Variants in ABCC2 observed in about 807,000 individuals in gnomAD.
ABCC2 encodes ATP binding cassette subfamily C member 2, also known as ATP-binding cassette sub-family C member 2.
In ABCC2, 157 loss-of-function variants were observed where a neutral mutation model predicts 173.4. The observed-to-expected ratio is 0.91, with a 90% CI of 0.80 to 1.03. The LOEUF is 1.03. Among genes scored for constraint, ABCC2 ranks in the 50% least tolerant of loss-of-function variants. The pLI is 0.00. For synonymous variants in ABCC2, 657 were observed against 693.5 expected (o/e 0.95, Z 0.83); for missense variants, 1,822 against 1,852.3 (o/e 0.98, Z 0.30).
intron 21 of ABCC2, 138 bp downstream of exon 21, chr10:99,830,989 T>C (rs2038728826): frequency 2.1e-6 from 2 of 951,854 alleles, no homozygotes; most frequent in South Asian, 1.5e-5. Context: ...AGACTCATTA[T>C]TAACCTGTTA....
chr10:99,789,893 G>A (rs963170880), intron 2 of ABCC2, among the ~76,000 whole-genome samples: 4 of 152,248 alleles, frequency 2.6e-5, no homozygotes, highest in Admixed American at 6.5e-5. Context: ...GATGAAGTCA[G>A]TCCCCTCCAC....
chr10:99,823,034 A>C (rs1364487125), intron 19 of ABCC2, among the ~76,000 whole-genome samples: 2 of 151,906 alleles, frequency 1.3e-5, no homozygotes, highest in South Asian at 2.1e-4. Context: ...TGAAATGTGA[A>C]TAAGTATCAA....
intron 7 of ABCC2, 118 bp downstream of exon 7, chr10:99,797,449 C>G (rs2037938499): frequency 1.2e-6 from 1 of 863,942 alleles, no homozygotes; most frequent in Non-Finnish European, 1.9e-6. Context: ...CAGTGCACTT[C>G]ATATTATTAA....
Position 99,830,441 on chromosome 10 carries a change from A to G in ABCC2, c.2747+8A>G, listed in dbSNP as rs2038718945. On this transcript the variant is annotated splice_region_variant and intron_variant, in intron 20 of 31. Transcript: ENST00000647814. ...TCGAACACTTAGCCGCAGGTTGGCT[A>G]TCTATTCAGCTGGCAGCCCTCGTCA... 6.2e-7 allele frequency: 1 copy of G among 1,614,202 alleles called. No individual in the cohort carries two copies. The highest frequency in any genetic ancestry group is 8.5e-7 in the Non-Finnish European group (1 of 1,180,018).
rs777140896 is a variant in ABCC2 at position 99,800,464 on chromosome 10, G to T, written c.1110G>T (p.Ala370=). The change falls in exon 9 of 32, where the codon GCG becomes GCT. Residue 370 remains alanine, a synonymous_variant. Transcript: ENST00000647814. ...GYLCAILLFT[A]ALIQSFCLQC... is the part of the protein sequence containing the mutation. ...TCTGTGCAATCCTCTTATTCACTGC[G>T]GCTCTCATTCAGTCTTTCTGCCTTC... 2 of 1,614,120 alleles carry T rather than the reference G, an allele frequency of 1.2e-6. No individual in the cohort carries two copies. Among genetic ancestry groups the T allele is most frequent in the South Asian group, 2.2e-5 (2 of 91,068 alleles).
At chr10:99,782,909 C>T in intron 1 of ABCC2, 32 bp downstream of exon 1, 1 of 1,610,596 alleles carries the variant, frequency 6.2e-7, no homozygotes, top group Non-Finnish European at 8.5e-7. Flanking sequence ...CATATTGACT[C>T]TTCTCAGACT....
At chr10:99,819,761 T>C (rs190699446) in intron 19 of ABCC2, among the ~76,000 whole-genome samples, 147 of 152,320 alleles carry the variant, frequency 9.7e-4, no homozygotes, top group Admixed American at 1.7e-3. Flanking sequence ...AACCACTGGG[T>C]GTTTGAACCA....
At position 99,831,766 on chromosome 10, in the gene ABCC2, C is replaced by T. The variant is rs150618323; in HGVS notation, c.3039C>T (p.Thr1013=). 24 of 1,614,184 alleles carry T rather than the reference C, an allele frequency of 1.5e-5. No individual in the cohort carries two copies. The East Asian group carries it at 1.6e-4, about 10-fold the overall frequency. Residue 1013 remains threonine (T), a synonymous_variant, in exon 22 of 32, where the codon ACC becomes ACT. Coordinates refer to ENST00000647814, the MANE Select transcript of ABCC2 (RefSeq NM_000392.5). The stretch of plus-strand genomic sequence containing the variant: ...GTGACTCTAAAATCTTCAATAGCAC[C>T]GACTATCCAGCATCTCAGAGGGACA... ...WTSDSKIFNS[T]DYPASQRDMR... is the part of the protein sequence containing the mutation.
chr10:99,837,123 T>G (rs2038836717), intron 25 of ABCC2, among the ~76,000 whole-genome samples: 1 of 149,400 alleles, frequency 6.7e-6, no homozygotes, highest in Non-Finnish European at 1.5e-5. Context: ...AAATACATTT[T>G]CTTTGAGAAA....
intron 8 of ABCC2, 80 bp downstream of exon 8, chr10:99,799,450 G>A (rs2037977074): frequency 1.3e-6 from 2 of 1,508,972 alleles, no homozygotes; most frequent in Non-Finnish European, 9.2e-7. Context: ...GCAAGCAGGA[G>A]CTTTTCTTAA....
intron 2 of ABCC2, among the ~76,000 whole-genome samples, chr10:99,787,458 TG>T (rs34463485): frequency 1.3e-5 from 2 of 148,240 alleles, no homozygotes; most frequent in South Asian, 2.1e-4. Flanking sequence ...CCCCTTTTTT[TG>T]GGGGGACGGA....
At chr10:99,817,693 G>A (rs1393557446) in intron 17 of ABCC2, among the ~76,000 whole-genome samples, 3 of 152,160 alleles carry the variant, frequency 2.0e-5, no homozygotes, top group African/African-American at 7.2e-5. Flanking sequence ...CTTGGAAACA[G>A]ATACAGGAAT....
rs1325828465 is a variant in ABCC2, at chr10:99,800,518, G to A, written c.1164G>A (p.Leu388=). The A allele has an allele frequency of 5.0e-6, 8 of 1,614,156 alleles. No homozygotes were observed. Among genetic ancestry groups the A allele is most frequent in the Non-Finnish European group, 6.8e-6 (8 of 1,180,024 alleles). The change falls in exon 9 of 32, where the codon CTG becomes CTA. Residue 388 remains leucine (L), a synonymous_variant. Coordinates refer to ENST00000647814, the MANE Select transcript of ABCC2 (RefSeq NM_000392.5). The part of the protein sequence containing the change: ...LQCYFQLCFK[L]GVKVRTAIMA... Reference sequence around the variant, plus strand: ...GTTATTTCCAACTGTGCTTCAAGCTGGGTGTAAAAGTACGGACAGCTATCA... The same window carrying A: ...GTTATTTCCAACTGTGCTTCAAGCTAGGTGTAAAAGTACGGACAGCTATCA...
rs751262416 is a variant in ABCC2, at chr10:99,808,085, A to G, written c.1671A>G (p.Val557=). 3 of 1,614,116 alleles carry G rather than the reference A, an allele frequency of 1.9e-6. No individual in the cohort carries two copies. The highest frequency in any genetic ancestry group is 1.7e-5 in the Admixed American group (1 of 60,028). ...IFVFQLTPVL[V]SVVTFSVYVL... ...GCTCATGACCTTGCCCTTTCCAGGT[A>G]TCTGTGGTCACATTTTCTGTTTATG... is the stretch of plus-strand genomic sequence containing the variant. The change falls in exon 13 of 32, where the codon GTA becomes GTG. Residue 557 remains valine (V), a splice_region_variant and synonymous_variant. Coordinates refer to ENST00000647814, the MANE Select transcript of ABCC2 (RefSeq NM_000392.5).
intron 9 of ABCC2, 141 bp from the exon 10 acceptor site, chr10:99,803,878 C>A: frequency 2.9e-6 from 3 of 1,048,750 alleles, no homozygotes; most frequent in South Asian, 1.4e-5. Context: ...GATTTGGAGG[C>A]AAGAAGTCAC....
rs373315423 is a variant in ABCC2, at chr10:99,797,425, C to T, written c.867+94C>T. On this transcript the variant is annotated intron_variant, in intron 7 of 31. Transcript: ENST00000647814. ...CGATTCTGTCCTTACATTTTTATAG[C>T]ACTTCATACTTCTCAGTGCACTTCA... 199 of 1,090,270 alleles carry T rather than the reference C, an allele frequency of 1.8e-4. No homozygotes were observed. In the African/African-American group the frequency reaches 2.8e-3, roughly 15 times the overall value. The allele number at this position is 1,090,270 out of a possible 1,614,324, so 67.5% of individuals were successfully genotyped here.
At chr10:99,807,669 A>T (rs2073337) in intron 12 of ABCC2, 148 bp downstream of exon 12, 2 of 1,144,710 alleles carry the variant, frequency 1.7e-6, no homozygotes, top group Non-Finnish European at 2.6e-6. Context: ...GCCCCATGCC[A>T]CTTTTCCTCC....
intron 8 of ABCC2, among the ~76,000 whole-genome samples, chr10:99,799,756 C>G (rs897265858): frequency 5.3e-5 from 8 of 152,166 alleles, no homozygotes; most frequent in Admixed American, 1.3e-4. Context: ...CAAGACTTCA[C>G]AATCTGTCAT....
intron 2 of ABCC2, among the ~76,000 whole-genome samples, chr10:99,791,900 C>T (rs1212132604): frequency 6.6e-6 from 1 of 152,152 alleles, no homozygotes; most frequent in African/African-American, 2.4e-5. Context: ...GTCACTTCTG[C>T]CATTTTCTAT....
Sources: gnomAD v4.1 joint callset for allele counts (sites outside exome capture counted in the v4.1 genomes callset) on GRCh38, gnomAD v4.1.1 for gene constraint, MANE v1.5 for transcripts, NCBI Gene and HGNC (gene_info 2026-07-23, HGNC 2026-07-21) for gene names.